The following ROR1 variants were observed in gnomAD, a reference collection of about 807,000 sequenced individuals.
ROR1 encodes inactive tyrosine-protein kinase transmembrane receptor ROR1.
A neutral mutation model predicts 78.8 loss-of-function variants in ROR1; 19 were observed. The observed-to-expected ratio is 0.24, with a 90% confidence interval of 0.17 to 0.35. ROR1 has a LOEUF of 0.35. Ranked by LOEUF, ROR1 falls within the 10% of genes least tolerant of loss-of-function variation. ROR1 has a pLI of 1.00. For synonymous variants in ROR1, 386 were observed against 433.6 expected (o/e 0.89, Z 1.36); for missense variants, 917 against 1,177.8 (o/e 0.78, Z 3.24).
At chr1:63,945,490 C>A (rs1232628322) in intron 1 of ROR1, among the ~76,000 whole-genome samples, 1 of 152,112 alleles carries the variant, frequency 6.6e-6, no homozygotes, top group Non-Finnish European at 1.5e-5. Context: ...TTGAAAAACA[C>A]TGATGAAGAG....
intron 5 of ROR1, among the ~76,000 whole-genome samples, chr1:64,137,729 C>A (rs917051459): frequency 6.6e-6 from 1 of 152,202 alleles, no homozygotes; most frequent in African/African-American, 2.4e-5. Flanking sequence ...TTCATTCAAA[C>A]ACTCAATAAA....
intron 1 of ROR1, among the ~76,000 whole-genome samples, chr1:63,948,310 A>G (rs893175393): frequency 1.3e-4 from 20 of 152,006 alleles, no homozygotes; most frequent in African/African-American, 4.8e-4. Flanking sequence ...ATAAATATAC[A>G]TATATAATAG....
chr1:64,001,555 G>A (rs1187156814), intron 1 of ROR1, among the ~76,000 whole-genome samples: 2 of 152,170 alleles, frequency 1.3e-5, no homozygotes, highest in African/African-American at 4.8e-5. Context: ...GAGAAACTGG[G>A]TGAAGGGTGC....
At chr1:63,821,750 C>G (rs1257443706) in intron 1 of ROR1, among the ~76,000 whole-genome samples, 1 of 152,194 alleles carries the variant, frequency 6.6e-6, no homozygotes, top group Non-Finnish European at 1.5e-5. Flanking sequence ...TGATACTGAA[C>G]AGGCAGCTTC....
chr1:63,912,106 G>A (rs761389642), intron 1 of ROR1, among the ~76,000 whole-genome samples: 5 of 137,568 alleles, frequency 3.6e-5, no homozygotes, highest in Non-Finnish European at 7.7e-5. Flanking sequence ...GAGAAACAGA[G>A]TGAGATCCCC....
rs373742108 is a variant in ROR1 at position 64,024,118 on chromosome 1, A to T, written c.163+14742A>T. On this transcript the variant is annotated intron_variant, in intron 2 of 8. Coordinates refer to ENST00000371079, the MANE Select transcript of ROR1 (RefSeq NM_005012.4). Reference sequence around the variant, plus strand: ...CCCCGGCCATGTGGAAATGTGAGTCAATTAAATCTCTTTTCTTTATAAATT... The same window carrying T: ...CCCCGGCCATGTGGAAATGTGAGTCTATTAAATCTCTTTTCTTTATAAATT... Among the ~76,000 whole-genome samples, 32 of 152,340 alleles carry T rather than the reference A, an allele frequency of 2.1e-4. 2 individuals are homozygous for T. The highest frequency in any genetic ancestry group is 1.1e-3 in the Admixed American group (17 of 15,296).
At chr1:64,166,174 T>C (rs1345583204) in intron 8 of ROR1, among the ~76,000 whole-genome samples, 3 of 152,214 alleles carry the variant, frequency 2.0e-5, no homozygotes, top group Non-Finnish European at 4.4e-5. Flanking sequence ...ATCAGGTAGT[T>C]GTAGGTGTGC....
intron 1 of ROR1, among the ~76,000 whole-genome samples, chr1:63,916,758 CAG>C (rs1645612013): frequency 6.6e-6 from 1 of 152,184 alleles, no homozygotes; most frequent in African/African-American, 2.4e-5. Context: ...GGAAGTGAGA[CAG>C]TGGCCCAGGG....
chr1:64,081,669 G>A lies in ROR1; in HGVS notation c.482+30953G>A, dbSNP rs146560265. ...GCCTGTGGTGCCAGCTACTCAGCAG[G>A]TTGAGATGGGGGGATTGCTTGAGCC... On this transcript the variant is annotated intron_variant, in intron 4 of 8. Transcript: ENST00000371079. 5.7e-3 allele frequency among the ~76,000 whole-genome samples: 866 copies of A among 151,694 alleles called. 5 individuals are homozygous for A. Among genetic ancestry groups the A allele is most frequent in the African/African-American group, 0.02 (812 of 41,324 alleles).
intron 2 of ROR1, among the ~76,000 whole-genome samples, chr1:64,046,298 T>TTA (rs1162604366): frequency 6.6e-6 from 1 of 151,640 alleles, no homozygotes; most frequent in Non-Finnish European, 1.5e-5. Flanking sequence ...GTGTTCTCGT[T>TTA]CTGCTTACTA....
intron 2 of ROR1, 94 bp from the exon 3 acceptor site, chr1:64,049,597 T>G (rs2100590816): frequency 9.0e-7 from 1 of 1,117,042 alleles, no homozygotes; most frequent in Non-Finnish European, 1.3e-6. Context: ...TCAGCCTCTC[T>G]GTGATCCCAA....
intron 1 of ROR1, among the ~76,000 whole-genome samples, chr1:63,921,818 C>T (rs772346766): frequency 6.6e-6 from 1 of 152,306 alleles, no homozygotes; most frequent in Non-Finnish European, 1.5e-5. Flanking sequence ...GACTGGTAAA[C>T]ATCTGCTCTG....
chr1:63,993,837 G>GT (rs1646315441), intron 1 of ROR1, among the ~76,000 whole-genome samples: 2 of 152,036 alleles, frequency 1.3e-5, no homozygotes, highest in Admixed American at 6.6e-5. Flanking sequence ...TGAAAATGTT[G>GT]TAACAATATC....
At chr1:64,164,660 T>A (rs1469667679) in intron 8 of ROR1, among the ~76,000 whole-genome samples, 2 of 152,132 alleles carry the variant, frequency 1.3e-5, no homozygotes, top group Non-Finnish European at 2.9e-5. Flanking sequence ...GGTAAACTTG[T>A]GTCATGGGAG....
chr1:63,803,115 C>T (rs930828451), intron 1 of ROR1, among the ~76,000 whole-genome samples: 1 of 152,180 alleles, frequency 6.6e-6, no homozygotes, highest in Non-Finnish European at 1.5e-5. Context: ...TGTTGAACAA[C>T]ACACCTCTGA....
In ROR1 at chr1:63,966,316, G is replaced by T. The variant is rs140762731; in HGVS notation, c.92-42989G>T. Among the ~76,000 whole-genome samples, 23 of 152,272 alleles carry T rather than the reference G, an allele frequency of 1.5e-4. No individual in the cohort carries two copies. The East Asian group carries it at 3.7e-3, about 24-fold the overall frequency. On this transcript the variant is annotated intron_variant, in intron 1 of 8. Transcript: ENST00000371079. ...TGGCTGTGCCTCCTGGGTCTCCCGC[G>T]TGGATTCCTCACAGATGGCAGGGCA... is the stretch of plus-strand genomic sequence containing the variant.
At chr1:63,994,360 A>T (rs1343792275) in intron 1 of ROR1, among the ~76,000 whole-genome samples, 2 of 152,060 alleles carry the variant, frequency 1.3e-5, no homozygotes, top group African/African-American at 4.8e-5. Flanking sequence ...TTGCAATCAG[A>T]CCTCGGCGGG....
chr1:64,101,935 A>C lies in ROR1; in HGVS notation c.483-35434A>C, dbSNP rs1453410504. On this transcript the variant is annotated intron_variant, in intron 4 of 8. Coordinates refer to ENST00000371079, the MANE Select transcript of ROR1 (RefSeq NM_005012.4). ...ATTGCTTGGGTAATGCTTTAAGATC[A>C]ATTGTCATCTCCTTTCAACTTGTTA... is the stretch of plus-strand genomic sequence containing the variant. Among the ~76,000 whole-genome samples, 3 of 152,202 alleles carry C rather than the reference A, an allele frequency of 2.0e-5. No homozygotes were observed. The East Asian group carries it at 5.8e-4, about 29-fold the overall frequency.
At chr1:63,875,597 T>C (rs566053189) in intron 1 of ROR1, among the ~76,000 whole-genome samples, 2 of 152,326 alleles carry the variant, frequency 1.3e-5, no homozygotes, top group South Asian at 4.1e-4. Flanking sequence ...TAAATTAAAA[T>C]AGTAAATATT....
Sources: gnomAD v4.1 joint callset for allele counts (sites outside exome capture counted in the v4.1 genomes callset) on GRCh38, gnomAD v4.1.1 for gene constraint, MANE v1.5 for transcripts, NCBI Gene and HGNC (gene_info 2026-07-23, HGNC 2026-07-21) for gene names.